The following WDR70 variants were observed in gnomAD, a reference collection of about 807,000 sequenced individuals.
The protein encoded by WDR70 is WD repeat-containing protein 70.
WDR70 carries 53 observed loss-of-function variants against 88.6 expected under a neutral mutation model. That is an observed-to-expected ratio of 0.60 (90% CI 0.48 to 0.75). The LOEUF is 0.75. WDR70 is among the 30% of genes least tolerant of loss of function. The probability of loss-of-function intolerance (pLI) is 0.00; values close to 1 mark genes in which losing one functional copy is unlikely to be tolerated. For missense variants in WDR70, 610 were observed against 823.2 expected (o/e 0.74, Z 3.17); for synonymous variants, 280 against 270.0 (o/e 1.04, Z -0.36).
chr5:37,569,984 G>A (rs1742853604), intron 9 of WDR70, among the ~76,000 whole-genome samples: 1 of 152,150 alleles, frequency 6.6e-6, no homozygotes, highest in Non-Finnish European at 1.5e-5. Context: ...TAAGAGACGA[G>A]TTCAGAGTAT....
intron 8 of WDR70, among the ~76,000 whole-genome samples, chr5:37,484,307 C>T (rs1739784289): frequency 6.6e-6 from 1 of 152,242 alleles, no homozygotes; most frequent in Non-Finnish European, 1.5e-5. Flanking sequence ...AATCCCGGCA[C>T]CTCGGGAGGC....
chr5:37,426,919 G>C (rs528353705), intron 5 of WDR70, among the ~76,000 whole-genome samples: 1 of 152,034 alleles, frequency 6.6e-6, no homozygotes, highest in South Asian at 2.1e-4. Flanking sequence ...GGGAATACGG[G>C]TGTGCACAAC....
intron 13 of WDR70, among the ~76,000 whole-genome samples, chr5:37,714,851 A>C (rs565867514): frequency 6.6e-6 from 1 of 152,300 alleles, no homozygotes; most frequent in South Asian, 2.1e-4. Context: ...GGTTGGAGCA[A>C]ACTTTTACTG....
intron 10 of WDR70, among the ~76,000 whole-genome samples, chr5:37,668,735 A>C (rs1745936144): frequency 6.6e-6 from 1 of 152,228 alleles, no homozygotes; most frequent in Non-Finnish European, 1.5e-5. Context: ...GCTGGTCATC[A>C]GTTAGAGTCC....
chr5:37,566,304 A>ATAAG (rs56318931), intron 9 of WDR70, among the ~76,000 whole-genome samples: 86,938 of 151,554 alleles, frequency 0.57, 26,962 homozygotes, highest in Non-Finnish European at 0.69. Context: ...TCCTCCTGTG[A>ATAAG]TAATAGCTTA....
intron 5 of WDR70, among the ~76,000 whole-genome samples, chr5:37,425,333 A>G (rs1750089087): frequency 6.6e-6 from 1 of 152,230 alleles, no homozygotes. Flanking sequence ...GCACGATAAC[A>G]TGGATCAGAA....
At chr5:37,618,981 T>C (rs1299402818) in intron 10 of WDR70, among the ~76,000 whole-genome samples, 3 of 152,188 alleles carry the variant, frequency 2.0e-5, no homozygotes, top group African/African-American at 2.4e-5. Context: ...AAATGGATAA[T>C]GTAAGGCTTA....
At chr5:37,389,106 T>G (rs1440367690) in intron 3 of WDR70, among the ~76,000 whole-genome samples, 1 of 150,744 alleles carries the variant, frequency 6.6e-6, no homozygotes, top group South Asian at 2.1e-4. Flanking sequence ...TTTTTTTTTT[T>G]CGTGGAGATG....
chr5:37,381,551 T>A, intron 2 of WDR70, 51 bp from the exon 3 acceptor site: 1 of 1,535,658 alleles, frequency 6.5e-7, no homozygotes, highest in Non-Finnish European at 9.0e-7. Context: ...ACCTAAAGTT[T>A]GGCCAACTTA....
intron 10 of WDR70, among the ~76,000 whole-genome samples, chr5:37,625,437 C>T (rs1280829853): frequency 3.3e-5 from 5 of 152,058 alleles, no homozygotes; most frequent in Non-Finnish European, 5.9e-5. Flanking sequence ...TAGTGGTGTT[C>T]ATGAGTATTT....
intron 3 of WDR70, among the ~76,000 whole-genome samples, chr5:37,390,004 C>T (rs1217636456): frequency 6.6e-6 from 1 of 152,088 alleles, no homozygotes; most frequent in African/African-American, 2.4e-5. Flanking sequence ...TGATAAGTGT[C>T]CTTTGCTGCT....
Position 37,444,009 on chromosome 5 carries a change from C to A in WDR70, c.686+637C>A, listed in dbSNP as rs1385047220. 2.6e-5 allele frequency among the ~76,000 whole-genome samples: 4 copies of A among 151,198 alleles called. No individual in the cohort carries two copies. The East Asian group carries it at 7.9e-4, about 30-fold the overall frequency. On this transcript the variant is annotated intron_variant, in intron 7 of 17. Coordinates refer to ENST00000265107, the MANE Select transcript of WDR70 (RefSeq NM_018034.4). ...ACTAAAAATATAAAAACAAGCCAGG[C>A]GTGGTGGCTCATGCCTGTAATCCCA...
At chr5:37,416,389 A>G (rs1749752013) in intron 5 of WDR70, among the ~76,000 whole-genome samples, 2 of 152,084 alleles carry the variant, frequency 1.3e-5, no homozygotes, top group South Asian at 2.1e-4. Flanking sequence ...CGCGCCTGCA[A>G]TTGCAGGCAC....
chr5:37,624,091 A>C (rs977841107), intron 10 of WDR70, among the ~76,000 whole-genome samples: 1 of 152,096 alleles, frequency 6.6e-6, no homozygotes, highest in African/African-American at 2.4e-5. Context: ...GAAAGTATAT[A>C]ATATTTATTG....
chr5:37,669,226 T>C (rs1036543057), intron 10 of WDR70, among the ~76,000 whole-genome samples: 1 of 152,160 alleles, frequency 6.6e-6, no homozygotes, highest in Non-Finnish European at 1.5e-5. Context: ...TAAATGTAGA[T>C]TCCAAAAACT....
chr5:37,417,985 T>C (rs1005751406), intron 5 of WDR70, among the ~76,000 whole-genome samples: 1 of 152,126 alleles, frequency 6.6e-6, no homozygotes, highest in Non-Finnish European at 1.5e-5. Flanking sequence ...TTAAAGAAGT[T>C]CTCCACTCCA....
intron 10 of WDR70, among the ~76,000 whole-genome samples, chr5:37,612,706 G>C (rs756609755): frequency 1.9e-4 from 29 of 152,164 alleles, no homozygotes; most frequent in Admixed American, 4.6e-4. Context: ...GTTTGGTTTA[G>C]GAGGATAAAG....
In WDR70 at chr5:37,391,997, C is replaced by T; in HGVS notation, c.176-3C>T. 2.5e-6 allele frequency: 4 copies of T among 1,591,006 alleles called. No homozygotes were observed. The highest frequency in any genetic ancestry group is 3.4e-4 in the Middle Eastern group (2 of 5,960). On this transcript the variant is annotated splice_region_variant and splice_polypyrimidine_tract_variant and intron_variant, in intron 3 of 17. Coordinates refer to ENST00000265107, the MANE Select transcript of WDR70 (RefSeq NM_018034.4). ...TTTGTTAATCTTTTTTTAATCTTTTCAGAAGCAAGAGAAAAAGAGGAAGAA... is the reference window on the plus strand; with the variant it reads ...TTTGTTAATCTTTTTTTAATCTTTTTAGAAGCAAGAGAAAAAGAGGAAGAA...
At chr5:37,650,473 A>T (rs1448624877) in intron 10 of WDR70, among the ~76,000 whole-genome samples, 2 of 152,188 alleles carry the variant, frequency 1.3e-5, no homozygotes, top group Non-Finnish European at 2.9e-5. Context: ...CTTGGTAAAG[A>T]GTCAGAGATG....
Sources: allele counts gnomAD v4.1 joint callset (sites outside exome capture counted in the v4.1 genomes callset), GRCh38; gene constraint gnomAD v4.1.1; transcripts MANE v1.5; gene names NCBI Gene and HGNC (gene_info 2026-07-23, HGNC 2026-07-21).